Variants in EGFLAM observed in about 807,000 individuals in gnomAD.
EGFLAM encodes the protein EGF like, fibronectin type III and laminin G domains.
A neutral mutation model predicts 113.1 loss-of-function variants in EGFLAM; 79 were observed. The ratio of observed to expected loss-of-function variants is 0.70; its 90% CI spans 0.58 to 0.84. EGFLAM has a LOEUF of 0.84. Ranked by LOEUF, EGFLAM falls within the 40% of genes least tolerant of loss-of-function variation. The pLI, the probability that EGFLAM is intolerant of heterozygous loss-of-function variation, is 0.00. For missense variants in EGFLAM, 1,265 were observed against 1,291.6 expected (o/e 0.98, Z 0.32); for synonymous variants, 504 against 487.6 (o/e 1.03, Z -0.44).
chr5:38,415,716 C>T (rs1330228069), intron 11 of EGFLAM, among the ~76,000 whole-genome samples: 3 of 152,146 alleles, frequency 2.0e-5, no homozygotes, highest in African/African-American at 7.2e-5. Flanking sequence ...TATGAAGAAA[C>T]ACCTGAGACT....
intron 8 of EGFLAM, 99 bp from the exon 9 acceptor site, chr5:38,407,706 T>C (rs1405692034): frequency 7.7e-6 from 6 of 774,736 alleles, no homozygotes; most frequent in African/African-American, 7.0e-5. Context: ...TTAGTGAGGG[T>C]TCTCACTTAA....
rs1336189311 is a variant in EGFLAM, at chr5:38,358,424, G to C, written c.545+6093G>C. On this transcript the variant is annotated intron_variant, in intron 5 of 21. Coordinates refer to ENST00000322350, the MANE Select transcript of EGFLAM (RefSeq NM_152403.4). ...ATCGCGCCACTGCACTCCAGCCTGGGCGACAGAGCAAGACTCCGTCTCAAA... is the reference window on the plus strand; with the variant it reads ...ATCGCGCCACTGCACTCCAGCCTGGCCGACAGAGCAAGACTCCGTCTCAAA... Among the ~76,000 whole-genome samples the C allele has an allele frequency of 1.6e-4, 21 of 129,974 alleles. No individual in the cohort carries two copies. In the Admixed American group the frequency reaches 2.0e-3, roughly 12 times the overall value. 85.3% of individuals were successfully genotyped at this position (129,974 alleles called of 152,430 possible).
chr5:38,317,682 A>G (rs1738636813), intron 1 of EGFLAM, among the ~76,000 whole-genome samples: 5 of 152,220 alleles, frequency 3.3e-5, no homozygotes, highest in Admixed American at 2.0e-4. Flanking sequence ...GGAAATGTCA[A>G]CCCTTTTGTA....
At position 38,430,020 on chromosome 5, in the gene EGFLAM, A is replaced by G. The variant is rs554387585; in HGVS notation, c.2055-1157A>G. 1.4e-5 allele frequency: 3 copies of G among 221,814 alleles called. No individual in the cohort carries two copies. The South Asian group carries it at 2.3e-4, about 17-fold the overall frequency. 13.7% of individuals were successfully genotyped at this position (221,814 alleles called of 1,614,324 possible). A position where few individuals can be genotyped will look rare whatever the true frequency, so the allele number is the denominator to read the frequency against. On this transcript the variant is annotated intron_variant, in intron 14 of 21. Transcript: ENST00000322350. Reference sequence around the variant, plus strand: ...CTCTGAAGACATCTTTATTGATAACAGTTTTGTCCAAGGGGATATCCGGTG... The same window carrying G: ...CTCTGAAGACATCTTTATTGATAACGGTTTTGTCCAAGGGGATATCCGGTG...
At chr5:38,355,137 G>GAT (rs1448218661) in intron 5 of EGFLAM, among the ~76,000 whole-genome samples, 5 of 151,980 alleles carry the variant, frequency 3.3e-5, no homozygotes, top group Non-Finnish European at 7.4e-5. Flanking sequence ...AGGAAAGGAG[G>GAT]ATATATATAT....
chr5:38,333,008 A>T (rs1739085536), intron 1 of EGFLAM, among the ~76,000 whole-genome samples: 1 of 152,154 alleles, frequency 6.6e-6, no homozygotes, highest in African/African-American at 2.4e-5. Flanking sequence ...TGTGTTCATA[A>T]GTTCTTATTA....
At chr5:38,364,748 G>T (rs1740016563) in intron 5 of EGFLAM, among the ~76,000 whole-genome samples, 1 of 152,198 alleles carries the variant, frequency 6.6e-6, no homozygotes, top group African/African-American at 2.4e-5. Context: ...AATTATACTG[G>T]AAGGTGATCT....
chr5:38,404,241 A>C (rs1741207345), intron 6 of EGFLAM, among the ~76,000 whole-genome samples: 1 of 152,182 alleles, frequency 6.6e-6, no homozygotes, highest in Non-Finnish European at 1.5e-5. Context: ...TGTCTCCCTC[A>C]AATTCATATG....
intron 1 of EGFLAM, among the ~76,000 whole-genome samples, chr5:38,313,838 A>G (rs541223392): frequency 1.3e-5 from 2 of 151,996 alleles, no homozygotes; most frequent in African/African-American, 4.8e-5. Flanking sequence ...CGTTTTGTCC[A>G]TTTTTCTCTA....
intron 18 of EGFLAM, among the ~76,000 whole-genome samples, chr5:38,449,909 A>G (rs1742856755): frequency 6.6e-6 from 1 of 152,098 alleles, no homozygotes; most frequent in Non-Finnish European, 1.5e-5. Flanking sequence ...ACCCTCAAAT[A>G]TTCCAATCTC....
chr5:38,380,789 G>GT lies in EGFLAM; in HGVS notation c.712+10330dup, dbSNP rs564297306. Among the ~76,000 whole-genome samples, 19 of 147,812 alleles carry GT rather than the reference G, an allele frequency of 1.3e-4. No homozygotes were observed. In the South Asian group the frequency reaches 3.9e-3, roughly 30 times the overall value. ...TCTACAGGGAATGATTCACTTTGCT[G>GT]TTTAAATACCTATTAATTGCTCTTC... On this transcript the variant is annotated intron_variant, in intron 6 of 21. Coordinates refer to ENST00000322350, the MANE Select transcript of EGFLAM (RefSeq NM_152403.4).
At chr5:38,389,743 A>G (rs936686424) in intron 6 of EGFLAM, among the ~76,000 whole-genome samples, 1 of 152,094 alleles carries the variant, frequency 6.6e-6, no homozygotes, top group East Asian at 1.9e-4. Context: ...AAACACTCAT[A>G]ATCTCTTAGT....
At chr5:38,293,991 A>G (rs1357532360) in intron 1 of EGFLAM, among the ~76,000 whole-genome samples, 1 of 152,180 alleles carries the variant, frequency 6.6e-6, no homozygotes, top group East Asian at 1.9e-4. Flanking sequence ...AAATTACTCT[A>G]CTAACCAGCT....
chr5:38,418,586 C>T (rs958734489), intron 12 of EGFLAM, among the ~76,000 whole-genome samples: 6 of 152,056 alleles, frequency 3.9e-5, no homozygotes, highest in Non-Finnish European at 8.8e-5. Context: ...TACCTTACCT[C>T]ACCCAGTCCA....
intron 6 of EGFLAM, among the ~76,000 whole-genome samples, chr5:38,377,467 C>A (rs555211862): frequency 3.3e-5 from 5 of 152,070 alleles, no homozygotes; most frequent in Admixed American, 6.6e-5. Flanking sequence ...TTCTCAACAC[C>A]CTATGCAAGG....
intron 1 of EGFLAM, among the ~76,000 whole-genome samples, chr5:38,307,317 T>C (rs755134470): frequency 6.6e-6 from 1 of 152,150 alleles, no homozygotes; most frequent in African/African-American, 2.4e-5. Context: ...ATAATCCCCA[T>C]ATGTCATGGG....
chr5:38,282,437 C>T (rs1579722304), intron 1 of EGFLAM: 1 of 152,170 alleles, frequency 6.6e-6, no homozygotes, highest in East Asian at 1.9e-4. Context: ...TCAGTTATCC[C>T]ACCTGAGGGG....
chr5:38,366,063 C>A (rs1740051071), intron 5 of EGFLAM, among the ~76,000 whole-genome samples: 1 of 152,172 alleles, frequency 6.6e-6, no homozygotes, highest in African/African-American at 2.4e-5. Context: ...AACACAGAAG[C>A]TTTCCACACC....
intron 3 of EGFLAM, among the ~76,000 whole-genome samples, chr5:38,346,813 C>T (rs992085182): frequency 6.6e-6 from 1 of 152,178 alleles, no homozygotes; most frequent in East Asian, 1.9e-4. Context: ...TGCCTCCAGT[C>T]TCTTAACCAC....
Sources: gnomAD v4.1 joint callset for allele counts (sites outside exome capture counted in the v4.1 genomes callset) on GRCh38, gnomAD v4.1.1 for gene constraint, MANE v1.5 for transcripts, NCBI Gene and HGNC (gene_info 2026-07-23, HGNC 2026-07-21) for gene names.